Variants in WASHC4 observed in about 807,000 individuals in gnomAD.
The protein encoded by WASHC4 is WASH complex subunit 4.
A neutral mutation model predicts 166.6 loss-of-function variants in WASHC4; 86 were observed. The observed-to-expected ratio is 0.52, with a 90% CI of 0.43 to 0.62. The LOEUF is 0.62. Ranked by LOEUF, WASHC4 falls within the 20% of genes least tolerant of loss-of-function variation. WASHC4 has a pLI of 0.00. For synonymous variants in WASHC4, 446 were observed against 451.6 expected, an observed-to-expected ratio of 0.99 and a Z score of 0.16; for missense variants, 1,262 against 1,382.4, an observed-to-expected ratio of 0.91 and a Z score of 1.38.
intron 26 of WASHC4, chr12:105,155,064 A>G (rs1244913412): frequency 1.3e-5 from 2 of 152,210 alleles, no homozygotes; most frequent in Admixed American, 6.5e-5. Context: ...CTTTCAAGTA[A>G]TTTCAATAAA....
intron 25 of WASHC4, among the ~76,000 whole-genome samples, chr12:105,150,202 C>A (rs1252877494): frequency 2.0e-5 from 3 of 152,194 alleles, no homozygotes; most frequent in Non-Finnish European, 4.4e-5. Context: ...CTCATCACGT[C>A]AGTACATACA....
At chr12:105,112,431 G>A (rs1370085405) in intron 2 of WASHC4, among the ~76,000 whole-genome samples, 2 of 152,048 alleles carry the variant, frequency 1.3e-5, no homozygotes, top group African/African-American at 4.8e-5. Flanking sequence ...TTATACATAT[G>A]TATATATGGG....
chr12:105,126,759 GTGATAGTAACTA>G (rs1336357326), intron 12 of WASHC4, among the ~76,000 whole-genome samples: 1 of 152,036 alleles, frequency 6.6e-6, no homozygotes, highest in Non-Finnish European at 1.5e-5. Context: ...GTAACATCAA[GTGATAGTAACTA>G]TGATAACCCA....
chr12:105,136,273 T>C (rs1882309039), intron 14 of WASHC4, among the ~76,000 whole-genome samples: 1 of 152,188 alleles, frequency 6.6e-6, no homozygotes, highest in South Asian at 2.1e-4. Flanking sequence ...TGTTTGGCTT[T>C]TGTCTTTAAG....
At chr12:105,166,841 A>G in intron 32 of WASHC4, 23 bp from the exon 33 acceptor site, 6 of 1,508,004 alleles carry the variant, frequency 4.0e-6, no homozygotes, top group Non-Finnish European at 5.5e-6. Flanking sequence ...AATATCCATT[A>G]TTATTTTCAC....
chr12:105,148,135 C>T (rs1431046988), intron 24 of WASHC4: 1 of 984,866 alleles, frequency 1.0e-6, no homozygotes, highest in Non-Finnish European at 1.2e-6. Context: ...AAGTTGGGAT[C>T]ATTTAAGTAT....
chr12:105,158,662 A>G (rs1022389027), intron 28 of WASHC4, among the ~76,000 whole-genome samples: 2 of 152,226 alleles, frequency 1.3e-5, no homozygotes, highest in Non-Finnish European at 1.5e-5. Context: ...CATTTGAGGA[A>G]TAATTGGGGG....
intron 13 of WASHC4, among the ~76,000 whole-genome samples, chr12:105,129,533 C>CA (rs1421276316): frequency 6.6e-6 from 1 of 152,066 alleles, no homozygotes; most frequent in Non-Finnish European, 1.5e-5. Context: ...TTTTATTGGT[C>CA]AGATCATAGC....
In WASHC4 at chr12:105,144,418, T is replaced by A. The variant is rs777962191; in HGVS notation, c.2142T>A (p.Asn714Lys). ...MKDLALFFSL[N>K]PIRFFNRFID... ...ACCTGGCTCTTTTTTTCTCTCTGAA[T>A]CCAATTCGGTTTTTCAATCGTTTCA... Residue 714 changes from asparagine to lysine, a missense_variant, in exon 21 of 33, where the codon AAT (asparagine) becomes AAA (lysine). By Grantham distance (94) the Asn-to-Lys change is moderately conservative. Transcript: ENST00000332180. 1 of 1,613,396 alleles carries A rather than the reference T, an allele frequency of 6.2e-7. No individual in the cohort carries two copies.
intron 1 of WASHC4, 100 bp downstream of exon 1, chr12:105,107,961 C>G (rs1879239065): frequency 4.5e-6 from 4 of 883,864 alleles, no homozygotes; most frequent in Admixed American, 2.0e-5. Context: ...GCTGCGCAGC[C>G]GTCTGGTGCG....
Position 105,156,595 on chromosome 12 carries a change from A to G in WASHC4, c.2759-131A>G, listed in dbSNP as rs183915660. The stretch of plus-strand genomic sequence containing the variant: ...TTTTACTTTTTATGATAAGAACTGA[A>G]GTAAAATATAGCAAAATATTTTGGT... On this transcript the variant is annotated intron_variant, in intron 26 of 32. Coordinates refer to ENST00000332180, the MANE Select transcript of WASHC4 (RefSeq NM_015275.3). 1,254 of 648,476 alleles carry G rather than the reference A, an allele frequency of 1.9e-3. 15 individuals are homozygous for G. The African/African-American group carries it at 0.021, about 11-fold the overall frequency. The allele number at this position is 648,476 out of a possible 1,614,324, so 40.2% of individuals were successfully genotyped here. A position where few individuals can be genotyped will look rare whatever the true frequency, so the allele number is the denominator to read the frequency against.
intron 10 of WASHC4, 35 bp from the exon 11 acceptor site, chr12:105,125,969 G>T (rs776937331): frequency 1.7e-5 from 27 of 1,593,506 alleles, no homozygotes; most frequent in Non-Finnish European, 3.4e-6. Flanking sequence ...TTATTATTGA[G>T]AGTCTGAATT....
chr12:105,154,456 T>C (rs941994579), intron 26 of WASHC4, among the ~76,000 whole-genome samples: 2 of 152,230 alleles, frequency 1.3e-5, no homozygotes, highest in Admixed American at 6.5e-5. Context: ...ACTTGCCTGC[T>C]GAAATAATAA....
intron 13 of WASHC4, 137 bp from the exon 14 acceptor site, chr12:105,133,633 T>C (rs937218680): frequency 1.2e-5 from 8 of 681,218 alleles, no homozygotes; most frequent in Non-Finnish European, 2.0e-5. Flanking sequence ...GTAAATTATA[T>C]ATGTCTATGT....
intron 15 of WASHC4, among the ~76,000 whole-genome samples, chr12:105,138,250 TAA>T (rs924741775): frequency 1.6e-5 from 2 of 128,388 alleles, no homozygotes; most frequent in Admixed American, 7.4e-5. Context: ...GTTTACACAG[TAA>T]AAAAAAAAGT....
chr12:105,117,376 C>T (rs956384751), intron 6 of WASHC4, among the ~76,000 whole-genome samples: 7 of 152,156 alleles, frequency 4.6e-5, no homozygotes, highest in African/African-American at 1.4e-4. Context: ...TCTGACAATA[C>T]CTGTTTTTTA....
At position 105,153,566 on chromosome 12, in the gene WASHC4, TA is replaced by T. The variant is rs374878925; in HGVS notation, c.2758+1117del. Among the ~76,000 whole-genome samples, 53 of 152,328 alleles carry T rather than the reference TA, an allele frequency of 3.5e-4. 1 individual carries two copies. Among genetic ancestry groups the T allele is most frequent in the Middle Eastern group, 3.4e-3 (1 of 294 alleles). ...GGCAAACTTATGGAGCAATAGTTCT[TA>T]ACCTTTTTTGAGAATCTGAGGAAAA... On this transcript the variant is annotated intron_variant, in intron 26 of 32. Coordinates refer to ENST00000332180, the MANE Select transcript of WASHC4 (RefSeq NM_015275.3).
intron 1 of WASHC4, among the ~76,000 whole-genome samples, chr12:105,108,209 T>A (rs748851541): frequency 6.6e-6 from 1 of 152,198 alleles, no homozygotes; most frequent in Non-Finnish European, 1.5e-5. Flanking sequence ...GCTGCTTCTG[T>A]CTCTGGCCTC....
intron 23 of WASHC4, among the ~76,000 whole-genome samples, 181 bp downstream of exon 23, chr12:105,146,707 A>G (rs1469361623): frequency 5.3e-5 from 8 of 152,086 alleles, no homozygotes; most frequent in African/African-American, 1.9e-4. Context: ...CGAAATGTTT[A>G]GGACAAGAAG....
Sources: allele counts gnomAD v4.1 joint callset (sites outside exome capture counted in the v4.1 genomes callset), GRCh38; gene constraint gnomAD v4.1.1; transcripts MANE v1.5; gene names NCBI Gene and HGNC (gene_info 2026-07-23, HGNC 2026-07-21).